The following RANBP17 variants were observed in gnomAD, a reference collection of about 807,000 sequenced individuals.
The protein encoded by RANBP17 is ran-binding protein 17.
Under a neutral mutation model 141.2 loss-of-function variants are expected in RANBP17, and 158 were observed. The ratio of observed to expected loss-of-function variants is 1.12; its 90% CI spans 0.98 to 1.28. The LOEUF (loss-of-function observed/expected upper bound fraction) is 1.28. RANBP17 is among the 50% of genes most tolerant of loss of function. The pLI, the probability that RANBP17 is intolerant of heterozygous loss-of-function variation, is 0.00. For missense variants in RANBP17, 1,438 were observed against 1,290.7 expected (o/e 1.11, Z -1.75); for synonymous variants, 430 against 450.0 (o/e 0.96, Z 0.56).
chr5:171,274,149 T>TGTGTGTGTGTGTGCGC (rs34291143), intron 25 of RANBP17, among the ~76,000 whole-genome samples: 1 of 126,772 alleles, frequency 7.9e-6, no homozygotes, highest in African/African-American at 3.1e-5. Flanking sequence ...TGTGTGTGTG[T>TGTGTGTGTGTGTGCGC]GCGCGCGCGC....
chr5:171,126,802 A>G (rs1414068102), intron 14 of RANBP17, among the ~76,000 whole-genome samples: 1 of 152,208 alleles, frequency 6.6e-6, no homozygotes, highest in Non-Finnish European at 1.5e-5. Context: ...ACAGACCAAT[A>G]ACAAGTAACA....
chr5:171,234,990 G>A (rs775475757), intron 22 of RANBP17, among the ~76,000 whole-genome samples: 2 of 152,172 alleles, frequency 1.3e-5, no homozygotes, highest in African/African-American at 4.8e-5. Flanking sequence ...GAAGACTTAG[G>A]TTTGAGCTCT....
chr5:171,108,045 G>A (rs1754971766), intron 14 of RANBP17, among the ~76,000 whole-genome samples: 1 of 152,192 alleles, frequency 6.6e-6, no homozygotes, highest in East Asian at 1.9e-4. Context: ...ATCAATTATG[G>A]TTAGAGTCGA....
intron 14 of RANBP17, among the ~76,000 whole-genome samples, chr5:171,087,283 A>G (rs1298185287): frequency 6.6e-6 from 1 of 152,180 alleles, no homozygotes; most frequent in African/African-American, 2.4e-5. Context: ...TTTGAGTGGG[A>G]TTCTTAATCC....
chr5:171,185,026 G>T (rs776164102), intron 18 of RANBP17, among the ~76,000 whole-genome samples: 2 of 152,116 alleles, frequency 1.3e-5, no homozygotes, highest in Admixed American at 1.3e-4. Context: ...GCCAGGCATG[G>T]TGGCAAATAC....
At position 170,892,129 on chromosome 5, in the gene RANBP17, C is replaced by CTT. The variant is rs143842890; in HGVS notation, c.257-240_257-239dup. ...TTTTTTGTTTAAAGTTCACAAAATTCTTTTTTTTTTTTTTTTTTTACATTA... is the reference window on the plus strand; with the variant it reads ...TTTTTTGTTTAAAGTTCACAAAATTCTTTTTTTTTTTTTTTTTTTTTACATTA... On this transcript the variant is annotated intron_variant, in intron 3 of 27. Transcript: ENST00000523189. Among the ~76,000 whole-genome samples the CTT allele has an allele frequency of 4.6e-3, 604 of 131,892 alleles. 4 individuals are homozygous for CTT. The highest frequency in any genetic ancestry group is 0.016 in the African/African-American group (571 of 35,292). The allele number at this position is 131,892 out of a possible 152,430, so 86.5% of individuals were successfully genotyped here.
intron 22 of RANBP17, among the ~76,000 whole-genome samples, chr5:171,229,411 G>GT (rs528180820): frequency 3.0e-4 from 46 of 151,924 alleles, no homozygotes; most frequent in African/African-American, 8.9e-4. Flanking sequence ...TTTTTTGTTT[G>GT]TTTTTTTCAG....
chr5:171,086,789 T>C, intron 14 of RANBP17, among the ~76,000 whole-genome samples: 2 of 148,254 alleles, frequency 1.3e-5, no homozygotes, highest in African/African-American at 5.0e-5. Context: ...AGTTTGTATT[T>C]CTGTGGGATC....
Position 170,903,533 on chromosome 5 carries a change from C to A in RANBP17, c.490-6128C>A, listed in dbSNP as rs528803449. ...CTGGCGTTCCAGGTGCCACTCGGCACATTTCTTTTAAAGGTGCTTGAAGAT... is the reference window on the plus strand; with the variant it reads ...CTGGCGTTCCAGGTGCCACTCGGCAAATTTCTTTTAAAGGTGCTTGAAGAT... On this transcript the variant is annotated intron_variant, in intron 5 of 27. Coordinates refer to ENST00000523189, the MANE Select transcript of RANBP17 (RefSeq NM_022897.5). 1.8e-5 allele frequency: 4 copies of A among 221,816 alleles called. No homozygotes were observed. The South Asian group carries it at 3.4e-4, about 19-fold the overall frequency. The allele number at this position is 221,816 out of a possible 1,614,324, so 13.7% of individuals were successfully genotyped here.
intron 14 of RANBP17, among the ~76,000 whole-genome samples, chr5:171,052,149 T>C (rs1782993858): frequency 6.6e-6 from 1 of 152,210 alleles, no homozygotes; most frequent in Admixed American, 6.5e-5. Flanking sequence ...ATTCTGGATA[T>C]GAAATCCCTT....
intron 21 of RANBP17, among the ~76,000 whole-genome samples, chr5:171,214,353 C>CTCCATAT (rs1763088744): frequency 6.6e-6 from 1 of 152,142 alleles, no homozygotes; most frequent in African/African-American, 2.4e-5. Flanking sequence ...GGCAGAAATT[C>CTCCATAT]AAATATTCTC....
chr5:171,272,652 TTCTAA>T (rs1767195619), intron 25 of RANBP17, among the ~76,000 whole-genome samples: 1 of 152,168 alleles, frequency 6.6e-6, no homozygotes, highest in Admixed American at 6.5e-5. Context: ...GTTTAGTGGC[TTCTAA>T]TCTAAAGTAT....
At chr5:171,008,602 G>T (rs1158115898) in intron 14 of RANBP17, among the ~76,000 whole-genome samples, 1 of 152,168 alleles carries the variant, frequency 6.6e-6, no homozygotes, top group Non-Finnish European at 1.5e-5. Flanking sequence ...CGGGTAGGGG[G>T]TGAATCTCAC....
intron 14 of RANBP17, among the ~76,000 whole-genome samples, chr5:171,109,700 CAA>C (rs1426238998): frequency 6.6e-6 from 1 of 152,122 alleles, no homozygotes; most frequent in African/African-American, 2.4e-5. Flanking sequence ...GGAATCATGA[CAA>C]AGAGAAAGTC....
intron 14 of RANBP17, among the ~76,000 whole-genome samples, chr5:171,026,959 G>A (rs1781272015): frequency 1.3e-5 from 2 of 152,132 alleles, no homozygotes. Flanking sequence ...GTCAGCGACA[G>A]CATTAGATTC....
chr5:170,895,343 C>G (rs1222898333), intron 4 of RANBP17, among the ~76,000 whole-genome samples: 1 of 151,998 alleles, frequency 6.6e-6, no homozygotes, highest in East Asian at 1.9e-4. Context: ...TTTCATAATT[C>G]CAGTATGATT....
intron 14 of RANBP17, among the ~76,000 whole-genome samples, chr5:171,146,633 C>A (rs1042468769): frequency 3.3e-5 from 5 of 151,880 alleles, no homozygotes; most frequent in Non-Finnish European, 7.4e-5. Context: ...AGTTCTTAAC[C>A]CCCCAAAATA....
chr5:171,275,019 C>T (rs2128030655), intron 25 of RANBP17, among the ~76,000 whole-genome samples: 1 of 152,224 alleles, frequency 6.6e-6, no homozygotes, highest in African/African-American at 2.4e-5. Flanking sequence ...CCTCTAAGCA[C>T]AGTTTAAGGA....
intron 14 of RANBP17, among the ~76,000 whole-genome samples, chr5:171,080,651 A>G (rs557882131): frequency 2.0e-5 from 3 of 152,296 alleles, no homozygotes; most frequent in Non-Finnish European, 2.9e-5. Context: ...CCAGAAATCA[A>G]TAGGGTTTAA....
Sources: allele counts gnomAD v4.1 joint callset (sites outside exome capture counted in the v4.1 genomes callset), GRCh38; gene constraint gnomAD v4.1.1; transcripts MANE v1.5; gene names NCBI Gene and HGNC (gene_info 2026-07-23, HGNC 2026-07-21).